Variants in ELAVL2 observed in about 807,000 individuals in gnomAD.
ELAVL2 encodes the protein ELAV like RNA binding protein 2.
A neutral mutation model predicts 34.6 loss-of-function variants in ELAVL2; 4 were observed. That is an observed-to-expected ratio of 0.12 (90% CI 0.06 to 0.26). ELAVL2 has a LOEUF of 0.26. Ranked by LOEUF, ELAVL2 falls within the 10% of genes least tolerant of loss-of-function variation. The pLI is 1.00. For synonymous variants in ELAVL2, 193 were observed against 154.8 expected, an observed-to-expected ratio of 1.25 and a Z score of -1.83; for missense variants, 432 against 442.8, an observed-to-expected ratio of 0.98 and a Z score of 0.22.
chr9:23,740,240 C>A (rs1228854489), intron 2 of ELAVL2, among the ~76,000 whole-genome samples: 1 of 152,150 alleles, frequency 6.6e-6, no homozygotes, highest in Non-Finnish European at 1.5e-5. Context: ...CCAAACTAAA[C>A]TATCAAGCAA....
intron 1 of ELAVL2, among the ~76,000 whole-genome samples, chr9:23,791,952 T>A (rs1415425602): frequency 1.3e-5 from 2 of 152,196 alleles, no homozygotes; most frequent in African/African-American, 2.4e-5. Flanking sequence ...TGCCACCCAA[T>A]CTTTTCCTGG....
At chr9:23,823,994 G>A (rs531791774) in intron 1 of ELAVL2, among the ~76,000 whole-genome samples, 1 of 152,154 alleles carries the variant, frequency 6.6e-6, no homozygotes, top group African/African-American at 2.4e-5. Flanking sequence ...TAACCAACTG[G>A]AGTGTTTGTA....
intron 2 of ELAVL2, 91 bp downstream of exon 2, chr9:23,761,915 A>G: frequency 7.1e-7 from 1 of 1,399,840 alleles, no homozygotes; most frequent in African/African-American, 1.4e-5. Context: ...AAATTGCAGC[A>G]GTGAATTATT....
At chr9:23,757,715 A>G (rs1413470512) in intron 2 of ELAVL2, among the ~76,000 whole-genome samples, 1 of 152,114 alleles carries the variant, frequency 6.6e-6, no homozygotes, top group Non-Finnish European at 1.5e-5. Context: ...GCTGAAGCAT[A>G]CAGCTGGGCA....
chr9:23,692,715 T>C lies in ELAVL2; in HGVS notation c.922A>G (p.Ile308Val). 2 of 1,614,212 alleles carry C rather than the reference T, an allele frequency of 1.2e-6. No individual in the cohort carries two copies. The highest frequency in any genetic ancestry group is 1.7e-6 in the Non-Finnish European group (2 of 1,180,014). ...PFGAVTNVKVIRDFNTNKCKG... is the reference protein window; with the variant it reads ...PFGAVTNVKVVRDFNTNKCKG... ...CATTTATTGGTGTTAAAGTCACGGA[T>C]GACCTTCACATTGGTGACAGCTCCA... Residue 308 changes from isoleucine (I) to valine (V), a missense_variant, in exon 7 of 7, where the codon ATC (isoleucine) becomes GTC (valine). Physicochemically the swap from Ile to Val is conservative, Grantham distance 29. Coordinates refer to ENST00000397312, the MANE Select transcript of ELAVL2 (RefSeq NM_004432.5).
intron 2 of ELAVL2, among the ~76,000 whole-genome samples, chr9:23,754,133 G>A (rs182560777): frequency 6.6e-6 from 1 of 151,938 alleles, no homozygotes; most frequent in African/African-American, 2.4e-5. Flanking sequence ...TCGTGGGAGT[G>A]ACACATATTT....
chr9:23,724,173 A>T (rs1021155425), intron 3 of ELAVL2, among the ~76,000 whole-genome samples: 1 of 152,130 alleles, frequency 6.6e-6, no homozygotes, highest in Non-Finnish European at 1.5e-5. Flanking sequence ...TCCAATAAAG[A>T]TGGGTTCAGT....
Position 23,702,971 on chromosome 9 carries a change from A to C in ELAVL2, c.488-1367T>G, listed in dbSNP as rs939243199. On this transcript the variant is annotated intron_variant, in intron 4 of 6. Coordinates refer to ENST00000397312, the MANE Select transcript of ELAVL2 (RefSeq NM_004432.5). ...ATTAGCAAAAAAAAAAAAAAAAAAA[A>C]AAAAAAAAAACAGCCTCTACACAGC... 1.8e-3 allele frequency among the ~76,000 whole-genome samples: 261 copies of C among 146,692 alleles called. 3 individuals are homozygous for C. Among genetic ancestry groups the C allele is most frequent in the African/African-American group, 6.4e-3 (255 of 39,686 alleles).
chr9:23,714,241 G>C (rs114431086), intron 3 of ELAVL2, among the ~76,000 whole-genome samples: 1 of 152,196 alleles, frequency 6.6e-6, no homozygotes, highest in African/African-American at 2.4e-5. Context: ...AAAACTCAAG[G>C]AATACTATTA....
chr9:23,735,104 T>TAAAAAA (rs1178542473), intron 2 of ELAVL2: 1 of 2,882 alleles, frequency 3.5e-4, no homozygotes, highest in Non-Finnish European at 7.7e-4. Context: ...CTAAGGCTCT[T>TAAAAAA]CAAAAAAAAA....
At chr9:23,823,934 G>T (rs950034168) in intron 1 of ELAVL2, among the ~76,000 whole-genome samples, 1 of 152,180 alleles carries the variant, frequency 6.6e-6, no homozygotes, top group Non-Finnish European at 1.5e-5. Context: ...ACCCCCAGAG[G>T]ATGGGTATAA....
chr9:23,819,432 CAA>C (rs2064208066), intron 1 of ELAVL2, among the ~76,000 whole-genome samples: 1 of 152,086 alleles, frequency 6.6e-6, no homozygotes, highest in African/African-American at 2.4e-5. Flanking sequence ...CACTGAGTGT[CAA>C]AAGAGTGGTA....
chr9:23,818,337 C>G (rs2064018501), intron 1 of ELAVL2, among the ~76,000 whole-genome samples: 1 of 152,190 alleles, frequency 6.6e-6, no homozygotes, highest in Admixed American at 6.5e-5. Flanking sequence ...TCTGTGGGTC[C>G]CAGTGCAAGA....
chr9:23,838,110 A>T, the ELAVL2 span, among the ~76,000 whole-genome samples: 1 of 152,196 alleles, frequency 6.6e-6, no homozygotes, highest in African/African-American at 2.4e-5. Flanking sequence ...ATATTTATGA[A>T]ATATTATTAA....
At chr9:23,693,845 T>A (rs1474741513) in intron 5 of ELAVL2, among the ~76,000 whole-genome samples, 1 of 152,160 alleles carries the variant, frequency 6.6e-6, no homozygotes, top group Non-Finnish European at 1.5e-5. Context: ...TACTTTTGAT[T>A]TTCACAACTC....
chr9:23,693,362 T>C (rs1410371007), intron 6 of ELAVL2, 86 bp downstream of exon 6: 28 of 1,520,592 alleles, frequency 1.8e-5, no homozygotes, highest in Middle Eastern at 1.8e-4. Context: ...CAAAAACTTA[T>C]GAGGGGTGTG....
At chr9:23,703,549 A>G (rs2038215422) in intron 4 of ELAVL2, among the ~76,000 whole-genome samples, 1 of 152,172 alleles carries the variant, frequency 6.6e-6, no homozygotes, top group Admixed American at 6.5e-5. Flanking sequence ...TCAGAACTCT[A>G]AAGGTGGTGC....
At chr9:23,741,720 G>A (rs190866002) in intron 2 of ELAVL2, among the ~76,000 whole-genome samples, 1 of 152,236 alleles carries the variant, frequency 6.6e-6, no homozygotes, top group Non-Finnish European at 1.5e-5. Context: ...AGACACCTGA[G>A]AGAGCCACTG....
chr9:23,775,975 A>C (rs1038385712), intron 1 of ELAVL2, among the ~76,000 whole-genome samples: 4 of 152,210 alleles, frequency 2.6e-5, no homozygotes, highest in Non-Finnish European at 5.9e-5. Flanking sequence ...CCAGTAAAAA[A>C]TATCAAGACA....
Sources: gnomAD v4.1 joint callset for allele counts (sites outside exome capture counted in the v4.1 genomes callset) on GRCh38, gnomAD v4.1.1 for gene constraint, MANE v1.5 for transcripts, NCBI Gene and HGNC (gene_info 2026-07-23, HGNC 2026-07-21) for gene names.